The following RYR3 variants were observed in gnomAD, a reference collection of about 807,000 sequenced individuals.
The protein encoded by RYR3 is ryanodine receptor 3.
In RYR3, 207 loss-of-function variants were observed where a neutral mutation model predicts 584.3. The observed-to-expected ratio is 0.35, with a 90% CI of 0.32 to 0.40. The LOEUF (loss-of-function observed/expected upper bound fraction) is 0.40, where lower values mean the gene tolerates loss of function less well. Among genes scored for constraint, RYR3 ranks in the 10% least tolerant of loss-of-function variants. The pLI, the probability that RYR3 is intolerant of heterozygous loss-of-function variation, is 1.00. For synonymous variants in RYR3, 2,416 were observed against 2,248.5 expected, an observed-to-expected ratio of 1.07 and a Z score of -2.11; for missense variants, 5,616 against 6,089.2, an observed-to-expected ratio of 0.92 and a Z score of 2.59.
At chr15:33,777,868 CTG>C (rs1378487454) in intron 64 of RYR3, among the ~76,000 whole-genome samples, 1 of 152,038 alleles carries the variant, frequency 6.6e-6, no homozygotes, top group Non-Finnish European at 1.5e-5. Flanking sequence ...AGGTTCATCT[CTG>C]TGTAAAATTT....
At position 33,540,805 on chromosome 15, in the gene RYR3, A is replaced by C. The variant is rs2055756292; in HGVS notation, c.561A>C (p.Ser187=). 1.2e-6 allele frequency: 2 copies of C among 1,608,788 alleles called. No individual in the cohort carries two copies. The highest frequency in any genetic ancestry group is 4.5e-5 in the East Asian group (2 of 44,850). Reference sequence around the variant, plus strand: ...TTCTGCTGCAGCATCTCTCAGTATCAAATGGTAACATACAAGTGGATGCCT... The same window carrying C: ...TTCTGCTGCAGCATCTCTCAGTATCCAATGGTAACATACAAGTGGATGCCT... The part of the protein sequence containing the change: ...SSERYLHLSV[S]NGNIQVDASF... Residue 187 remains serine, a synonymous_variant, in exon 7 of 104, where the codon TCA becomes TCC. Coordinates refer to ENST00000634891, the MANE Select transcript of RYR3 (RefSeq NM_001036.6).
At chr15:33,854,949 T>C (rs766576940) in intron 98 of RYR3, 37 bp downstream of exon 98, 7 of 1,555,206 alleles carry the variant, frequency 4.5e-6, no homozygotes, top group East Asian at 2.3e-5. Flanking sequence ...AATGGACCTG[T>C]ATATGCACAG....
At chr15:33,788,756 G>A (rs184316995) in intron 67 of RYR3, among the ~76,000 whole-genome samples, 10 of 152,304 alleles carry the variant, frequency 6.6e-5, no homozygotes, top group African/African-American at 2.4e-4. Context: ...CTGCCCCTCT[G>A]CTGTTCACTA....
At chr15:33,584,554 AAAG>A in intron 15 of RYR3, 64 bp downstream of exon 15, 1 of 734,248 alleles carries the variant, frequency 1.4e-6, no homozygotes. Flanking sequence ...TTCTGTAAAA[AAAG>A]AAAACAAAGT....
chr15:33,712,896 T>A (rs1224044717), intron 43 of RYR3, among the ~76,000 whole-genome samples: 1 of 151,960 alleles, frequency 6.6e-6, no homozygotes, highest in East Asian at 1.9e-4. Context: ...CCTCACAGAG[T>A]TGTGAGGCTT....
At chr15:33,508,271 C>T (rs959019751) in intron 3 of RYR3, among the ~76,000 whole-genome samples, 1 of 152,046 alleles carries the variant, frequency 6.6e-6, no homozygotes, top group Non-Finnish European at 1.5e-5. Context: ...ATGAACATGA[C>T]ACTTTATCCA....
intron 1 of RYR3, among the ~76,000 whole-genome samples, chr15:33,437,156 G>C (rs1049980914): frequency 1.3e-4 from 18 of 139,308 alleles, no homozygotes; most frequent in African/African-American, 4.9e-4. Context: ...GTGTGTGTGT[G>C]AAAATTCAAT....
intron 1 of RYR3, among the ~76,000 whole-genome samples, chr15:33,435,465 ATG>A (rs1044142138): frequency 6.6e-5 from 10 of 152,014 alleles, no homozygotes; most frequent in African/African-American, 2.2e-4. Flanking sequence ...GGATATGTGT[ATG>A]TGTGTGTGTG....
chr15:33,360,258 C>A (rs1484951993), intron 1 of RYR3, among the ~76,000 whole-genome samples: 2 of 151,710 alleles, frequency 1.3e-5, no homozygotes, highest in Non-Finnish European at 2.9e-5. Flanking sequence ...CCCACCCCTC[C>A]ACAGTCAGTC....
intron 1 of RYR3, among the ~76,000 whole-genome samples, chr15:33,324,923 T>A (rs1180403084): frequency 6.6e-6 from 1 of 152,216 alleles, no homozygotes; most frequent in Non-Finnish European, 1.5e-5. Flanking sequence ...GATGCCAGCT[T>A]GTGAAGACTG....
At chr15:33,450,792 CAT>C (rs2047067853) in intron 1 of RYR3, among the ~76,000 whole-genome samples, 1 of 152,130 alleles carries the variant, frequency 6.6e-6, no homozygotes, top group African/African-American at 2.4e-5. Context: ...GCTTCTAAAA[CAT>C]GTGCGCAAAC....
chr15:33,574,386 A>G (rs558520994), intron 12 of RYR3, among the ~76,000 whole-genome samples: 127 of 152,324 alleles, frequency 8.3e-4, no homozygotes, highest in Middle Eastern at 3.4e-3. Context: ...GGGAAGTTCT[A>G]TCAAATTGAG....
At chr15:33,336,440 A>AGAGAGAGAGAG (rs1971001110) in intron 1 of RYR3, among the ~76,000 whole-genome samples, 1 of 12,150 alleles carries the variant, frequency 8.2e-5, no homozygotes, top group Non-Finnish European at 1.2e-4. Flanking sequence ...GAAAGAAAGA[A>AGAGAGAGAGAG]AGAGAGAGAG....
intron 26 of RYR3, 75 bp downstream of exon 26, chr15:33,635,894 A>G (rs541446718): frequency 4.0e-5 from 51 of 1,286,086 alleles, no homozygotes; most frequent in Middle Eastern, 2.6e-4. Flanking sequence ...TGGAAGCTCA[A>G]ATTACTGGAT....
intron 24 of RYR3, among the ~76,000 whole-genome samples, chr15:33,634,198 T>C (rs1257808809): frequency 6.6e-6 from 1 of 152,088 alleles, no homozygotes; most frequent in Non-Finnish European, 1.5e-5. Flanking sequence ...ATTACAGGCA[T>C]GTGCCACCAC....
In RYR3 at chr15:33,695,985, G is replaced by A. The variant is rs554811698; in HGVS notation, c.5861-233G>A. Among the ~76,000 whole-genome samples, 538 of 136,462 alleles carry A rather than the reference G, an allele frequency of 3.9e-3. 4 individuals carry two copies. The highest frequency in any genetic ancestry group is 0.014 in the African/African-American group (508 of 36,126). 89.5% of individuals were successfully genotyped at this position (136,462 alleles called of 152,430 possible). A position where few individuals can be genotyped will look rare whatever the true frequency, so the allele number is the denominator to read the frequency against. On this transcript the variant is annotated intron_variant, in intron 38 of 103. Coordinates refer to ENST00000634891, the MANE Select transcript of RYR3 (RefSeq NM_001036.6). ...TTTTTTTTTTTTTTTGGTAGCAACA[G>A]GGTCTCGCTTTGTGGCCCAGGCTGG...
At chr15:33,593,769 C>T (rs571903694) in intron 16 of RYR3, among the ~76,000 whole-genome samples, 44 of 152,256 alleles carry the variant, frequency 2.9e-4, no homozygotes, top group Non-Finnish European at 4.3e-4. Context: ...GAAAAAGATA[C>T]TAGGCAGACC....
At chr15:33,673,317 C>A (rs920154600) in intron 38 of RYR3, among the ~76,000 whole-genome samples, 13 of 152,200 alleles carry the variant, frequency 8.5e-5, no homozygotes, top group African/African-American at 3.1e-4. Context: ...CAATGACCTG[C>A]AGAGAAGCCA....
intron 36 of RYR3, among the ~76,000 whole-genome samples, chr15:33,664,105 T>TATCAGTTACC (rs1438713602): frequency 6.6e-6 from 1 of 152,148 alleles, no homozygotes; most frequent in East Asian, 1.9e-4. Flanking sequence ...ACTACCTGTC[T>TATCAGTTACC]ATCAGTTACC....
Sources: allele counts gnomAD v4.1 joint callset (sites outside exome capture counted in the v4.1 genomes callset), GRCh38; gene constraint gnomAD v4.1.1; transcripts MANE v1.5; gene names NCBI Gene and HGNC (gene_info 2026-07-23, HGNC 2026-07-21).